RFX3: variants seen among roughly 807,000 people sequenced by gnomAD.
The protein encoded by RFX3 is transcription factor RFX3.
A neutral mutation model predicts 98.6 loss-of-function variants in RFX3; 14 were observed. That is an observed-to-expected ratio of 0.14 (90% CI 0.09 to 0.22). The LOEUF (loss-of-function observed/expected upper bound fraction) is 0.22, where lower values mean the gene tolerates loss of function less well. RFX3 is among the 10% of genes least tolerant of loss of function. The probability of loss-of-function intolerance (pLI) is 1.00; values close to 1 mark genes in which losing one functional copy is unlikely to be tolerated. For synonymous variants in RFX3, 383 were observed against 328.4 expected (o/e 1.17, Z -1.80); for missense variants, 639 against 926.9 (o/e 0.69, Z 4.03).
intron 1 of RFX3, among the ~76,000 whole-genome samples, chr9:3,517,765 T>C (rs991184731): frequency 6.6e-6 from 1 of 152,220 alleles, no homozygotes; most frequent in South Asian, 2.1e-4. Flanking sequence ...AAAACCACAC[T>C]CAAATTACAT....
At chr9:3,319,868 A>C (rs1422159524) in intron 4 of RFX3, among the ~76,000 whole-genome samples, 3 of 150,176 alleles carry the variant, frequency 2.0e-5, no homozygotes, top group East Asian at 3.9e-4. Context: ...AAAAAAAAAA[A>C]CTCAGATTCT....
chr9:3,380,670 G>A (rs1839086488), intron 2 of RFX3, among the ~76,000 whole-genome samples: 1 of 152,060 alleles, frequency 6.6e-6, no homozygotes, highest in African/African-American at 2.4e-5. Flanking sequence ...TGCTTCATAA[G>A]AAACAGGACA....
chr9:3,362,682 T>A (rs1315406268), intron 2 of RFX3, among the ~76,000 whole-genome samples: 1 of 152,180 alleles, frequency 6.6e-6, no homozygotes, highest in Admixed American at 6.5e-5. Context: ...AAGAATAATA[T>A]GAAGGCTAAC....
intron 1 of RFX3, among the ~76,000 whole-genome samples, chr9:3,480,327 G>C (rs889770870): frequency 2.0e-5 from 3 of 152,082 alleles, no homozygotes; most frequent in African/African-American, 7.2e-5. Context: ...TTTTCCACTG[G>C]GTCTCTCTAG....
At chr9:3,319,274 G>A (rs1007052117) in intron 4 of RFX3, among the ~76,000 whole-genome samples, 1 of 151,180 alleles carries the variant, frequency 6.6e-6, no homozygotes, top group South Asian at 2.1e-4. Flanking sequence ...AAGTCATTGG[G>A]GTGAGATCCA....
intron 1 of RFX3, among the ~76,000 whole-genome samples, chr9:3,417,790 T>C (rs536787289): frequency 6.6e-6 from 1 of 152,258 alleles, no homozygotes; most frequent in African/African-American, 2.4e-5. Context: ...ACAGGAAGAA[T>C]TCTAGAAATC....
chr9:3,409,913 C>A (rs1374777104), intron 1 of RFX3, among the ~76,000 whole-genome samples: 2 of 151,952 alleles, frequency 1.3e-5, no homozygotes, highest in African/African-American at 4.8e-5. Context: ...GAACTCAAGA[C>A]TCCCAATTCC....
intron 2 of RFX3, among the ~76,000 whole-genome samples, chr9:3,388,821 C>T (rs113558750): frequency 4.2e-4 from 64 of 152,114 alleles, no homozygotes; most frequent in African/African-American, 1.4e-3. Context: ...CAATAGAAGT[C>T]CCTGAACCCC....
chr9:3,480,241 G>C (rs761877572), intron 1 of RFX3, among the ~76,000 whole-genome samples: 1 of 152,160 alleles, frequency 6.6e-6, no homozygotes, highest in Non-Finnish European at 1.5e-5. Context: ...TGAGAAATGA[G>C]ATCAGCTAGG....
intron 11 of RFX3, 27 bp from the exon 12 acceptor site, chr9:3,266,332 T>A: frequency 1.4e-6 from 2 of 1,410,436 alleles, no homozygotes; most frequent in Admixed American, 3.5e-5. Flanking sequence ...AAAAGCAGGA[T>A]AAAAAAAAGT....
At chr9:3,376,293 CAACA>C (rs975686972) in intron 2 of RFX3, among the ~76,000 whole-genome samples, 28 of 152,126 alleles carry the variant, frequency 1.8e-4, no homozygotes, top group African/African-American at 6.0e-4. Flanking sequence ...TTATACGGTT[CAACA>C]AACAATTAAC....
chr9:3,295,902 G>C (rs1827929479), intron 5 of RFX3, among the ~76,000 whole-genome samples: 1 of 151,916 alleles, frequency 6.6e-6, no homozygotes, highest in African/African-American at 2.4e-5. Flanking sequence ...ATTTTAGTCT[G>C]ATAAAAGCAA....
At chr9:3,495,862 T>G (rs1266599072) in intron 1 of RFX3, among the ~76,000 whole-genome samples, 1 of 152,096 alleles carries the variant, frequency 6.6e-6, no homozygotes, top group Non-Finnish European at 1.5e-5. Context: ...TTCTATTCTT[T>G]TAAACATATT....
At chr9:3,258,537 T>C (rs1410823515) in intron 13 of RFX3, among the ~76,000 whole-genome samples, 1 of 152,060 alleles carries the variant, frequency 6.6e-6, no homozygotes, top group East Asian at 1.9e-4. Flanking sequence ...TTCTTCTATA[T>C]CTCAGCTGAT....
At chr9:3,375,264 TG>T (rs950633424) in intron 2 of RFX3, among the ~76,000 whole-genome samples, 2 of 152,190 alleles carry the variant, frequency 1.3e-5, no homozygotes, top group African/African-American at 4.8e-5. Flanking sequence ...GGAGTGCGCC[TG>T]ATAATACACT....
chr9:3,375,913 T>A (rs916829230), intron 2 of RFX3, among the ~76,000 whole-genome samples: 1 of 151,846 alleles, frequency 6.6e-6, no homozygotes, highest in East Asian at 1.9e-4. Context: ...TGAGCTGAGA[T>A]AGCGCCACTG....
chr9:3,479,162 C>T (rs1366221793), intron 1 of RFX3, among the ~76,000 whole-genome samples: 1 of 152,152 alleles, frequency 6.6e-6, no homozygotes, highest in South Asian at 2.1e-4. Context: ...CACTGGTCTT[C>T]CCAAGATTCA....
At chr9:3,256,869 GT>G (rs1473524811) in intron 14 of RFX3, 121 bp downstream of exon 14, 24 of 876,748 alleles carry the variant, frequency 2.7e-5, no homozygotes, top group Non-Finnish European at 4.3e-5. Context: ...GTAACAGGGA[GT>G]TTCCACAAAC....
At chr9:3,278,690 A>G (rs1246921001) in intron 7 of RFX3, among the ~76,000 whole-genome samples, 1 of 151,924 alleles carries the variant, frequency 6.6e-6, no homozygotes, top group African/African-American at 2.4e-5. Flanking sequence ...AAATGAATCA[A>G]TCTTGGATGT....
Sources: gnomAD v4.1 joint callset for allele counts (sites outside exome capture counted in the v4.1 genomes callset) on GRCh38, gnomAD v4.1.1 for gene constraint, MANE v1.5 for transcripts, NCBI Gene and HGNC (gene_info 2026-07-23, HGNC 2026-07-21) for gene names.